Variants in INSR observed in about 807,000 individuals in gnomAD.
INSR encodes the protein insulin receptor.
In INSR, 67 loss-of-function variants were observed where a neutral mutation model predicts 142.6. That is an observed-to-expected ratio of 0.47 (90% CI 0.39 to 0.58). The LOEUF is 0.58. INSR is among the 20% of genes least tolerant of loss of function. The pLI, the probability that INSR is intolerant of heterozygous loss-of-function variation, is 0.00. For missense variants in INSR, 1,248 were observed against 1,833.2 expected (o/e 0.68, Z 5.83); for synonymous variants, 756 against 743.1 (o/e 1.02, Z -0.28).
rs1973398498 is a variant in INSR at position 7,152,529 on chromosome 19, G to T, written c.2231+197C>A. On this transcript the variant is annotated intron_variant, in intron 10 of 21. Transcript: ENST00000302850. ...TTTTTCCCCTTTTGTGCGATTATTT[G>T]CTCTTCCTGATAAAATTCCCCTCGA... 3 of 651,952 alleles carry T rather than the reference G, an allele frequency of 4.6e-6. No homozygotes were observed. The Admixed American group carries it at 7.2e-5, about 16-fold the overall frequency. The allele number at this position is 651,952 out of a possible 1,614,324, so 40.4% of individuals were successfully genotyped here.
intron 10 of INSR, chr19:7,152,518 T>C (rs956116231): frequency 3.2e-6 from 2 of 629,884 alleles, no homozygotes; most frequent in African/African-American, 3.6e-5. Context: ...TCCCCTTTTG[T>C]GCGATTATTT....
intron 2 of INSR, among the ~76,000 whole-genome samples, chr19:7,211,021 T>C (rs1975258755): frequency 6.6e-6 from 1 of 152,282 alleles, no homozygotes; most frequent in South Asian, 2.1e-4. Context: ...CTGTTCTTGA[T>C]ACAATCAGGT....
chr19:7,256,905 C>T (rs1204871271), intron 2 of INSR, among the ~76,000 whole-genome samples: 10 of 143,558 alleles, frequency 7.0e-5, no homozygotes, highest in Non-Finnish European at 7.5e-5. Flanking sequence ...AGTGGGCCAT[C>T]ATTCACGTTA....
chr19:7,144,328 A>G lies in INSR; in HGVS notation c.2268-1238T>C, dbSNP rs867367642. On this transcript the variant is annotated intron_variant, in intron 11 of 21. Coordinates refer to ENST00000302850, the MANE Select transcript of INSR (RefSeq NM_000208.4). ...AAAAGTAGCATGTGTTCCCTGCAGA[A>G]AACTTGGAAAACGATGAATGACTGT... 2.6e-5 allele frequency among the ~76,000 whole-genome samples: 4 copies of G among 152,252 alleles called. No individual in the cohort carries two copies. The South Asian group carries it at 8.3e-4, about 32-fold the overall frequency.
At chr19:7,153,474 A>G (rs199594390) in intron 9 of INSR, among the ~76,000 whole-genome samples, 3,104 of 90,466 alleles carry the variant, frequency 0.034, 19 homozygotes, top group South Asian at 0.047. Flanking sequence ...CACCACACAC[A>G]CACCACACAC....
Position 7,122,708 on chromosome 19 carries a change from G to T in INSR, c.3435C>A (p.Asp1145Glu). 6.2e-7 allele frequency: 1 copy of T among 1,614,156 alleles called. No homozygotes were observed. The part of the protein sequence containing the change: ...EMIQMAAEIA[D>E]GMAYLNAKKF... ...TCTTGGCGTTCAGGTAGGCCATCCC[G>T]TCAGCAATCTCTGCCGCCATCTGAA... Residue 1145 changes from aspartate (D) to glutamate (E), a missense_variant, in exon 19 of 22, where the codon GAC (aspartate) becomes GAA (glutamate). Coordinates refer to ENST00000302850, the MANE Select transcript of INSR (RefSeq NM_000208.4).
intron 9 of INSR, 71 bp from the exon 10 acceptor site, chr19:7,152,998 C>CCCCACA (rs1973418227): frequency 1.4e-6 from 1 of 729,970 alleles, no homozygotes; most frequent in African/African-American, 2.4e-5. Context: ...CACACACACC[C>CCCCACA]CACACACACA....
At chr19:7,198,977 G>A (rs62111425) in intron 2 of INSR, among the ~76,000 whole-genome samples, 23,690 of 151,672 alleles carry the variant, frequency 0.16, 2,728 homozygotes, top group African/African-American at 0.33. Context: ...TCAAACTCCT[G>A]GGCTCAAGCC....
At chr19:7,270,633 T>C (rs1425535598) in intron 1 of INSR, among the ~76,000 whole-genome samples, 1 of 151,898 alleles carries the variant, frequency 6.6e-6, no homozygotes. Context: ...TGGCATGTGG[T>C]TGTAATTCCA....
chr19:7,163,574 C>CA (rs2144931066), intron 8 of INSR, among the ~76,000 whole-genome samples: 1 of 147,638 alleles, frequency 6.8e-6, no homozygotes, highest in East Asian at 2.0e-4. Context: ...CAAAACAAAA[C>CA]AAAAAAGAAA....
chr19:7,259,916 A>T (rs1306806891), intron 2 of INSR, among the ~76,000 whole-genome samples: 1 of 151,948 alleles, frequency 6.6e-6, no homozygotes, highest in Non-Finnish European at 1.5e-5. Flanking sequence ...AGGTGGGGGG[A>T]TTCCTTAGAG....
intron 1 of INSR, among the ~76,000 whole-genome samples, chr19:7,269,579 G>A (rs1342222204): frequency 6.6e-6 from 1 of 152,022 alleles, no homozygotes; most frequent in African/African-American, 2.4e-5. Flanking sequence ...GGACAAGGAT[G>A]CCAGTCCCAG....
chr19:7,135,553 G>A (rs189905953), intron 13 of INSR, among the ~76,000 whole-genome samples: 4 of 150,488 alleles, frequency 2.7e-5, no homozygotes, highest in Admixed American at 6.6e-5. Context: ...GGCGGATGGC[G>A]GGCCTGGGTG....
At chr19:7,153,458 GC>G in intron 9 of INSR, among the ~76,000 whole-genome samples, 1 of 88,874 alleles carries the variant, frequency 1.1e-5, no homozygotes, top group African/African-American at 4.0e-5. Flanking sequence ...CCACACCCAC[GC>G]CACACACCAC....
At chr19:7,141,098 A>G (rs898565679) in intron 13 of INSR, among the ~76,000 whole-genome samples, 4 of 152,158 alleles carry the variant, frequency 2.6e-5, no homozygotes, top group Admixed American at 1.3e-4. Flanking sequence ...GCTGGAGCGC[A>G]ATGGTGCAAT....
intron 2 of INSR, among the ~76,000 whole-genome samples, chr19:7,223,779 G>A (rs1975692741): frequency 6.6e-6 from 1 of 152,076 alleles, no homozygotes; most frequent in South Asian, 2.1e-4. Context: ...AGGACCATGT[G>A]CCTGGGAGAC....
chr19:7,140,986 C>T (rs946375659), intron 13 of INSR, among the ~76,000 whole-genome samples: 6 of 152,166 alleles, frequency 3.9e-5, no homozygotes, highest in African/African-American at 1.4e-4. Flanking sequence ...ACTCACCCAG[C>T]ACCTTGCATG....
chr19:7,223,948 A>T (rs901823379), intron 2 of INSR, among the ~76,000 whole-genome samples: 1 of 128,684 alleles, frequency 7.8e-6, no homozygotes, highest in South Asian at 2.3e-4. Context: ...GAACAAAAAA[A>T]AATTTTTTTT....
chr19:7,153,860 A>G (rs1203221038), intron 9 of INSR, among the ~76,000 whole-genome samples: 1 of 152,062 alleles, frequency 6.6e-6, no homozygotes, highest in Non-Finnish European at 1.5e-5. Flanking sequence ...TACTAAAAAT[A>G]AAGTAAAATA....
Sources: allele counts gnomAD v4.1 joint callset (sites outside exome capture counted in the v4.1 genomes callset), GRCh38; gene constraint gnomAD v4.1.1; transcripts MANE v1.5; gene names NCBI Gene and HGNC (gene_info 2026-07-23, HGNC 2026-07-21).